CELSR1: variants seen among roughly 807,000 people sequenced by gnomAD.
CELSR1 encodes the protein cadherin EGF LAG seven-pass G-type receptor 1, also known as adhesion G protein-coupled receptor C1.
In CELSR1, 110 loss-of-function variants were observed where a neutral mutation model predicts 249.1. That is an observed-to-expected ratio of 0.44 (90% confidence interval 0.38 to 0.52). The LOEUF (loss-of-function observed/expected upper bound fraction) is 0.52. CELSR1 is among the 20% of genes least tolerant of loss of function. CELSR1 has a pLI of 0.00. For synonymous variants in CELSR1, 2,113 were observed against 1,900.0 expected (o/e 1.11, Z -2.92); for missense variants, 4,109 against 4,296.4 (o/e 0.96, Z 1.22).
At chr22:46,509,099 C>A (rs2080545812) in intron 1 of CELSR1, among the ~76,000 whole-genome samples, 1 of 152,200 alleles carries the variant, frequency 6.6e-6, no homozygotes. Flanking sequence ...TATCTGGCAC[C>A]CCTCCAGTGC....
Position 46,537,108 on chromosome 22 carries a change from C to A in CELSR1, c.63G>T (p.Leu21=). 9.6e-7 allele frequency: 1 copy of A among 1,039,076 alleles called. No individual in the cohort carries two copies. The highest frequency in any genetic ancestry group is 1.2e-6 in the Non-Finnish European group (1 of 868,040). 64.4% of individuals were successfully genotyped at this position (1,039,076 alleles called of 1,614,324 possible). A position where few individuals can be genotyped will look rare whatever the true frequency, so the allele number is the denominator to read the frequency against. ...VLLLLAAAAA[L]PAMGLRAAAW... ...CGGCCGCTCGCAGCCCCATCGCCGGCAGGGCGGCGGCGGCGGCCAGGAGCA... is the reference window on the plus strand; with the variant it reads ...CGGCCGCTCGCAGCCCCATCGCCGGAAGGGCGGCGGCGGCGGCCAGGAGCA... Residue 21 remains leucine (L), a synonymous_variant, in exon 1 of 35, where the codon CTG becomes CTT. Coordinates refer to ENST00000674500, the MANE Select transcript of CELSR1 (RefSeq NM_001378328.1). The surrounding 1 kb of genome is among the most constrained non-coding windows in gnomAD (Gnocchi z 5.8).
chr22:46,379,100 A>T (rs775644614), intron 22 of CELSR1, among the ~76,000 whole-genome samples: 13 of 152,194 alleles, frequency 8.5e-5, no homozygotes, highest in Non-Finnish European at 1.0e-4. Context: ...CCGCTGCTGG[A>T]ACCACTGCCC....
At chr22:46,389,884 A>G (rs1024448775) in intron 17 of CELSR1, among the ~76,000 whole-genome samples, 5 of 152,184 alleles carry the variant, frequency 3.3e-5, no homozygotes, top group Non-Finnish European at 7.3e-5. Flanking sequence ...TCCGGGAAGC[A>G]GAGGTTGCAG....
At chr22:46,508,396 A>G (rs1369342102) in intron 1 of CELSR1, among the ~76,000 whole-genome samples, 1 of 151,154 alleles carries the variant, frequency 6.6e-6, no homozygotes, top group Non-Finnish European at 1.5e-5. Flanking sequence ...CTTCCCCCTG[A>G]CCGTCCCCTG....
At chr22:46,378,815 C>A (rs2078947160) in intron 22 of CELSR1, 98 bp from the exon 23 acceptor site, 1 of 1,463,676 alleles carries the variant, frequency 6.8e-7, no homozygotes, top group East Asian at 2.4e-5. Flanking sequence ...GCTCCCAGGC[C>A]ATCCTGGCCA....
chr22:46,384,279 G>A (rs539078245), intron 20 of CELSR1, among the ~76,000 whole-genome samples: 73 of 152,328 alleles, frequency 4.8e-4, no homozygotes, highest in African/African-American at 1.7e-3. Flanking sequence ...GCTCCAATGA[G>A]CATTTCCTTT....
chr22:46,409,980 G>A lies in CELSR1; in HGVS notation c.4934-100C>T. The A allele has an allele frequency of 6.6e-7, 1 of 1,517,718 alleles. No homozygotes were observed. The highest frequency in any genetic ancestry group is 9.0e-7 in the Non-Finnish European group (1 of 1,116,036). The allele number at this position is 1,517,718 out of a possible 1,614,324, so 94.0% of individuals were successfully genotyped here. A position where few individuals can be genotyped will look rare whatever the true frequency, so the allele number is the denominator to read the frequency against. ...GGAAACCAGGACGGAATGGACCCGG[G>A]GCTGGACAGAAGTCAGACCAGGTCT... On this transcript the variant is annotated intron_variant, in intron 7 of 34. Coordinates refer to ENST00000674500, the MANE Select transcript of CELSR1 (RefSeq NM_001378328.1). The surrounding 1 kb of genome is among the most constrained non-coding windows in gnomAD (Gnocchi z 9.8).
At position 46,410,311 on chromosome 22, in the gene CELSR1, G is replaced by A. The variant is rs2079317971; in HGVS notation, c.4933+87C>T. 8 of 1,511,168 alleles carry A rather than the reference G, an allele frequency of 5.3e-6. No individual in the cohort carries two copies. In the South Asian group the frequency reaches 7.1e-5, roughly 13 times the overall value. The allele number at this position is 1,511,168 out of a possible 1,614,324, so 93.6% of individuals were successfully genotyped here. A position where few individuals can be genotyped will look rare whatever the true frequency, so the allele number is the denominator to read the frequency against. On this transcript the variant is annotated intron_variant, in intron 7 of 34. Coordinates refer to ENST00000674500, the MANE Select transcript of CELSR1 (RefSeq NM_001378328.1). The surrounding 1 kb of genome is among the most constrained non-coding windows in gnomAD (Gnocchi z 6.8). ...TCTAAGAAAAACACGGCTCCCCAGG[G>A]ATCTGCAAGCAGTGACCTCTGTGTG...
chr22:46,385,415 G>C (rs2079021588), intron 19 of CELSR1, among the ~76,000 whole-genome samples: 1 of 152,132 alleles, frequency 6.6e-6, no homozygotes, highest in African/African-American at 2.4e-5. Context: ...CTTTAGAACA[G>C]AACTGACTTC....
At position 46,399,632 on chromosome 22, in the gene CELSR1, G is replaced by GAC; in HGVS notation, c.5412+84_5412+85insGT. ...CCCAAATCCACAAGGTCTCTGGTGG[G>GAC]TCCTGGCACGTCAAGGGGTCATTCT... is the stretch of plus-strand genomic sequence containing the variant. On this transcript the variant is annotated intron_variant, in intron 10 of 34. Transcript: ENST00000674500. The surrounding 1 kb of genome is among the most constrained non-coding windows in gnomAD (Gnocchi z 5.0). 1 of 1,395,754 alleles carries GAC rather than the reference G, an allele frequency of 7.2e-7. No homozygotes were observed. Among genetic ancestry groups the GAC allele is most frequent in the Admixed American group, 1.7e-5 (1 of 57,412 alleles). 86.5% of individuals were successfully genotyped at this position (1,395,754 alleles called of 1,614,324 possible).
chr22:46,481,454 C>T (rs2080265468), intron 1 of CELSR1: 2 of 1,583,664 alleles, frequency 1.3e-6, no homozygotes, highest in Non-Finnish European at 1.7e-6. Context: ...TCCTTACTCC[C>T]AGCATCTATT....
rs1401294036 is a variant in CELSR1 at position 46,366,585 on chromosome 22, G to GCTGGGCCCCTGC, written c.8206-117_8206-106dup. ...GCAAGCCCCCCACACCCACACCCTG[G>GCTGGGCCCCTGC]CTGGGCCCCTGCCTGGCACACAGGA... is the stretch of plus-strand genomic sequence containing the variant. On this transcript the variant is annotated intron_variant, in intron 29 of 34. Coordinates refer to ENST00000674500, the MANE Select transcript of CELSR1 (RefSeq NM_001378328.1). 1.2e-5 allele frequency: 11 copies of GCTGGGCCCCTGC among 920,260 alleles called. No individual in the cohort carries two copies. In the African/African-American group the frequency reaches 1.8e-4, roughly 15 times the overall value. The allele number at this position is 920,260 out of a possible 1,614,324, so 57.0% of individuals were successfully genotyped here. A position where few individuals can be genotyped will look rare whatever the true frequency, so the allele number is the denominator to read the frequency against.
intron 2 of CELSR1, among the ~76,000 whole-genome samples, chr22:46,459,867 G>A (rs545358306): frequency 6.4e-4 from 98 of 152,218 alleles, no homozygotes; most frequent in Non-Finnish European, 1.1e-3. Context: ...AATACGTGTA[G>A]AATCATCTAG....
intron 32 of CELSR1, among the ~76,000 whole-genome samples, 191 bp from the exon 33 acceptor site, chr22:46,364,927 C>T (rs886650001): frequency 5.3e-5 from 8 of 152,220 alleles, no homozygotes; most frequent in East Asian, 1.9e-4. Context: ...TGGGAGCCCC[C>T]GCCGCATCTG....
rs929250104 is a variant in CELSR1 at position 46,436,869 on chromosome 22, G to C, written c.4407-580C>G. 2.6e-5 allele frequency among the ~76,000 whole-genome samples: 4 copies of C among 152,140 alleles called. No individual in the cohort carries two copies. Among genetic ancestry groups the C allele is most frequent in the Non-Finnish European group, 4.4e-5 (3 of 68,026 alleles). ...TGCAGATCACTCAGGGGTCAACCCA[G>C]CTGTACTTGCCCTGACTCATTGTAC... On this transcript the variant is annotated intron_variant, in intron 3 of 34. Transcript: ENST00000674500. This position sits in a 1 kb window ranked among gnomAD's most constrained non-coding sequence, Gnocchi z 5.9.
At position 46,399,686 on chromosome 22, in the gene CELSR1, A is replaced by G; in HGVS notation, c.5412+31T>C. On this transcript the variant is annotated intron_variant, in intron 10 of 34. Transcript: ENST00000674500. This position sits in a 1 kb window ranked among gnomAD's most constrained non-coding sequence, Gnocchi z 5.0. ...TTTCCCTGGGCCGGAGGAAGGGTCT[A>G]TCCCCAGAGGAGGTGCAGGTGCCAG... 6.2e-7 allele frequency: 1 copy of G among 1,607,274 alleles called. No individual in the cohort carries two copies. The highest frequency in any genetic ancestry group is 8.5e-7 in the Non-Finnish European group (1 of 1,174,010).
intron 27 of CELSR1, among the ~76,000 whole-genome samples, chr22:46,368,431 C>T (rs2078812306): frequency 1.3e-5 from 2 of 151,950 alleles, no homozygotes; most frequent in African/African-American, 4.8e-5. Context: ...ATCCGGCCTT[C>T]CAGGCCACTC....
chr22:46,397,693 G>T lies in CELSR1; in HGVS notation c.5682C>A (p.Tyr1894Ter). The change falls in exon 12 of 35, where the codon TAC becomes TAA. Residue 1894 changes from tyrosine (Y) to a stop codon, truncating the protein, a stop_gained. Transcript: ENST00000674500. LOFTEE classifies it high-confidence loss of function. ...TCCCACCTTTGTCACAGACGCAGCT[G>T]TAGTCCTCCCAGGCGTCGTGGCAGC... ...NSRCHDAWED[Y>*]SCVCDKGYLG... 2.6e-6 allele frequency: 4 copies of T among 1,550,540 alleles called. No homozygotes were observed. The highest frequency in any genetic ancestry group is 3.5e-6 in the Non-Finnish European group (4 of 1,144,724).
chr22:46,460,199 A>ACC (rs1555922638), intron 2 of CELSR1, among the ~76,000 whole-genome samples: 28 of 67,372 alleles, frequency 4.2e-4, no homozygotes, highest in South Asian at 3.9e-3. Context: ...ACACACACAC[A>ACC]CACACACACA....
Sources: allele counts gnomAD v4.1 joint callset (sites outside exome capture counted in the v4.1 genomes callset), GRCh38; gene constraint gnomAD v4.1.1; non-coding constraint Gnocchi (gnomAD v3.1); transcripts MANE v1.5; gene names NCBI Gene and HGNC (gene_info 2026-07-23, HGNC 2026-07-21).